The following EYA4 variants were observed in gnomAD, a reference collection of about 807,000 sequenced individuals.
The protein encoded by EYA4 is protein phosphatase EYA4.
In EYA4, 31 loss-of-function variants were observed where a neutral mutation model predicts 87.9. That is an observed-to-expected ratio of 0.35 (90% CI 0.27 to 0.48). EYA4 has a LOEUF of 0.48. Among genes scored for constraint, EYA4 ranks in the 20% least tolerant of loss-of-function variants. The pLI, the probability that EYA4 is intolerant of heterozygous loss-of-function variation, is 0.99. For synonymous variants in EYA4, 263 were observed against 270.6 expected (o/e 0.97, Z 0.28); for missense variants, 678 against 761.4 (o/e 0.89, Z 1.29).
At chr6:133,321,518 GTTTTAC>G (rs2128356627) in intron 2 of EYA4, among the ~76,000 whole-genome samples, 1 of 152,088 alleles carries the variant, frequency 6.6e-6, no homozygotes, top group East Asian at 1.9e-4. Context: ...GTTTGCAGAA[GTTTTAC>G]TTTTGAGGGA....
chr6:133,279,734 A>T (rs1334940754), intron 2 of EYA4, among the ~76,000 whole-genome samples: 3 of 152,034 alleles, frequency 2.0e-5, no homozygotes, highest in Non-Finnish European at 2.9e-5. Flanking sequence ...GTTCCTAGAG[A>T]TCCTACAGTA....
chr6:133,390,360 C>T (rs1787152588), intron 3 of EYA4, among the ~76,000 whole-genome samples: 1 of 152,060 alleles, frequency 6.6e-6, no homozygotes, highest in Non-Finnish European at 1.5e-5. Context: ...GCTGGGACTA[C>T]AGGCGCCCCC....
At chr6:133,283,153 G>A (rs900469897) in intron 2 of EYA4, among the ~76,000 whole-genome samples, 1 of 151,864 alleles carries the variant, frequency 6.6e-6, no homozygotes, top group African/African-American at 2.4e-5. Context: ...AATTAGCCGG[G>A]CATGGTGATG....
chr6:133,525,329 C>A, intron 19 of EYA4, 75 bp downstream of exon 19: 1 of 1,192,668 alleles, frequency 8.4e-7, no homozygotes, highest in Non-Finnish European at 1.2e-6. Context: ...TAGTTTGGCC[C>A]AATGGCAGCT....
Position 133,530,797 on chromosome 6 carries a change from A to G in EYA4, c.*1992A>G. 1.0e-6 allele frequency: 1 copy of G among 988,972 alleles called. No homozygotes were observed. Among genetic ancestry groups the G allele is most frequent in the Non-Finnish European group, 1.2e-6 (1 of 831,912 alleles). The allele number at this position is 988,972 out of a possible 1,614,324, so 61.3% of individuals were successfully genotyped here. Reference sequence around the variant, plus strand: ...TGTAGCTTTTGGCTGCATCTGCCCCAAGTACTATTCCAGGCAAATTAAAGT... The same window carrying G: ...TGTAGCTTTTGGCTGCATCTGCCCCGAGTACTATTCCAGGCAAATTAAAGT... On this transcript the variant is annotated 3_prime_UTR_variant, in exon 20 of 20. Transcript: ENST00000355286.
intron 10 of EYA4, among the ~76,000 whole-genome samples, chr6:133,465,300 T>C (rs147603449): frequency 2.6e-5 from 4 of 152,310 alleles, no homozygotes; most frequent in African/African-American, 9.6e-5. Context: ...GTGTCCTTTG[T>C]TACTAAACAA....
At chr6:133,264,812 A>G (rs1231092021) in intron 1 of EYA4, among the ~76,000 whole-genome samples, 3 of 151,970 alleles carry the variant, frequency 2.0e-5, no homozygotes, top group African/African-American at 7.2e-5. Flanking sequence ...TGCCTGGACA[A>G]CCTAGGTTTC....
At chr6:133,294,014 AGGG>A (rs1778710678) in intron 2 of EYA4, among the ~76,000 whole-genome samples, 1 of 83,706 alleles carries the variant, frequency 1.2e-5, no homozygotes, top group Non-Finnish European at 2.3e-5. Flanking sequence ...TGTGCTCCCT[AGGG>A]TGATTTTATA....
chr6:133,361,598 G>T (rs1167813490), intron 2 of EYA4, among the ~76,000 whole-genome samples: 1 of 152,216 alleles, frequency 6.6e-6, no homozygotes, highest in African/African-American at 2.4e-5. Flanking sequence ...GTTCGTAGTT[G>T]TTGGCAGTTT....
intron 3 of EYA4, among the ~76,000 whole-genome samples, chr6:133,390,966 T>TACAA (rs567657469): frequency 1.5e-4 from 23 of 152,138 alleles, no homozygotes; most frequent in Non-Finnish European, 2.5e-4. Flanking sequence ...CACAGTGAGG[T>TACAA]ACAAACAAAC....
Position 133,406,279 on chromosome 6 carries a change from A to T in EYA4, c.83+23838A>T, listed in dbSNP as rs138246460. 2.5e-4 allele frequency among the ~76,000 whole-genome samples: 38 copies of T among 152,330 alleles called. No homozygotes were observed. The East Asian group carries it at 5.6e-3, about 22-fold the overall frequency. On this transcript the variant is annotated intron_variant, in intron 3 of 19. Transcript: ENST00000355286. ...AGATAAGACACATACAGGACTCATG[A>T]CACGAGATGAGCTCTCATAAGGAAA... is the stretch of plus-strand genomic sequence containing the variant.
At chr6:133,406,979 T>G (rs956802920) in intron 3 of EYA4, among the ~76,000 whole-genome samples, 13 of 152,324 alleles carry the variant, frequency 8.5e-5, no homozygotes, top group South Asian at 8.3e-4. Flanking sequence ...CTTATTTAGC[T>G]TTTAGGTTTC....
At chr6:133,244,446 T>C (rs1401147689) in intron 1 of EYA4, among the ~76,000 whole-genome samples, 1 of 152,034 alleles carries the variant, frequency 6.6e-6, no homozygotes, top group Non-Finnish European at 1.5e-5. Flanking sequence ...AAAGGAGTGA[T>C]TGTATAAAAA....
At chr6:133,412,166 C>A (rs1418178849) in intron 3 of EYA4, among the ~76,000 whole-genome samples, 2 of 152,112 alleles carry the variant, frequency 1.3e-5, no homozygotes, top group African/African-American at 4.8e-5. Flanking sequence ...TTTGCAAAAC[C>A]AGTTTAGACA....
chr6:133,522,405 A>G (rs1302509749), intron 17 of EYA4, among the ~76,000 whole-genome samples: 2 of 151,950 alleles, frequency 1.3e-5, no homozygotes, highest in Non-Finnish European at 2.9e-5. Flanking sequence ...GGAGAGGGGA[A>G]TAATAGTTAA....
chr6:133,403,954 T>G (rs211616), intron 3 of EYA4, among the ~76,000 whole-genome samples: 121,087 of 152,040 alleles, frequency 0.8, 51,506 homozygotes, highest in Non-Finnish European at 0.95. Flanking sequence ...GGGATTACAG[T>G]TGTGCGTGTG....
chr6:133,463,997 T>A (rs1794637964), intron 9 of EYA4, among the ~76,000 whole-genome samples: 1 of 152,098 alleles, frequency 6.6e-6, no homozygotes, highest in South Asian at 2.1e-4. Context: ...TCATACTGGT[T>A]ATTCCAGGTC....
chr6:133,439,075 A>C (rs1391273056), intron 3 of EYA4, among the ~76,000 whole-genome samples: 1 of 139,576 alleles, frequency 7.2e-6, no homozygotes, highest in African/African-American at 2.6e-5. Flanking sequence ...AAAAAAAAAA[A>C]AGTCTTTGGG....
At chr6:133,396,495 A>G (rs1787811039) in intron 3 of EYA4, among the ~76,000 whole-genome samples, 1 of 152,224 alleles carries the variant, frequency 6.6e-6, no homozygotes, top group African/African-American at 2.4e-5. Flanking sequence ...GACTGAAGGC[A>G]TTACATAGGA....
Sources: gnomAD v4.1 joint callset for allele counts (sites outside exome capture counted in the v4.1 genomes callset) on GRCh38, gnomAD v4.1.1 for gene constraint, MANE v1.5 for transcripts, NCBI Gene and HGNC (gene_info 2026-07-23, HGNC 2026-07-21) for gene names.